The following CADM2 variants were observed in gnomAD, a reference collection of about 807,000 sequenced individuals.
CADM2 encodes the protein cell adhesion molecule 2, also known as immunoglobulin superfamily member 4D.
A neutral mutation model predicts 49.8 loss-of-function variants in CADM2; 12 were observed. The observed-to-expected ratio is 0.24, with a 90% CI of 0.15 to 0.39. The LOEUF is 0.39. Among genes scored for constraint, CADM2 ranks in the 10% least tolerant of loss-of-function variants. The pLI is 1.00. For synonymous variants in CADM2, 214 were observed against 175.4 expected, an observed-to-expected ratio of 1.22 and a Z score of -1.74; for missense variants, 378 against 492.3, an observed-to-expected ratio of 0.77 and a Z score of 2.20.
At chr3:85,003,413 A>G (rs1285594832) in intron 1 of CADM2, among the ~76,000 whole-genome samples, 1 of 152,158 alleles carries the variant, frequency 6.6e-6, no homozygotes, top group Non-Finnish European at 1.5e-5. Flanking sequence ...AAATTCTATG[A>G]AAAAGCTAGA....
chr3:85,156,891 G>C (rs1330105723), intron 1 of CADM2, among the ~76,000 whole-genome samples: 3 of 152,196 alleles, frequency 2.0e-5, no homozygotes, highest in Non-Finnish European at 4.4e-5. Flanking sequence ...AAAAGAGGAA[G>C]TCAAATTGTC....
At chr3:85,953,173 T>C (rs1208134445) in intron 7 of CADM2, among the ~76,000 whole-genome samples, 1 of 150,984 alleles carries the variant, frequency 6.6e-6, no homozygotes, top group African/African-American at 2.4e-5. Flanking sequence ...ATAATACTTT[T>C]TCATGTTCTG....
rs532790781 is a variant in CADM2 at position 85,808,462 on chromosome 3, G to C, written c.238+6266G>C. Among the ~76,000 whole-genome samples, 29 of 152,208 alleles carry C rather than the reference G, an allele frequency of 1.9e-4. No individual in the cohort carries two copies. The South Asian group carries it at 6.0e-3, about 32-fold the overall frequency. On this transcript the variant is annotated intron_variant, in intron 3 of 9. Transcript: ENST00000383699. The stretch of plus-strand genomic sequence containing the variant: ...TGGCAATGGAAAAAAAAATCAATTA[G>C]ATCGTAGTGTCTGTTTCTCTGCAGG...
At chr3:85,762,245 A>G (rs192483290) in intron 2 of CADM2, among the ~76,000 whole-genome samples, 324 of 152,240 alleles carry the variant, frequency 2.1e-3, no homozygotes, top group Admixed American at 5.7e-3. Context: ...ATAGTGACAC[A>G]ATAGTCCCCC....
chr3:85,181,144 G>C (rs1407155750), intron 1 of CADM2, among the ~76,000 whole-genome samples: 1 of 152,042 alleles, frequency 6.6e-6, no homozygotes, highest in African/African-American at 2.4e-5. Context: ...ATAATAGGAT[G>C]ATAATTTTAT....
Position 85,163,332 on chromosome 3 carries a change from G to C in CADM2, c.61+203664G>C, listed in dbSNP as rs919810693. 2.0e-5 allele frequency among the ~76,000 whole-genome samples: 3 copies of C among 152,142 alleles called. No homozygotes were observed. The East Asian group carries it at 5.8e-4, about 29-fold the overall frequency. On this transcript the variant is annotated intron_variant, in intron 1 of 9. Coordinates refer to ENST00000383699, the MANE Select transcript of CADM2 (RefSeq NM_001167675.2). The stretch of plus-strand genomic sequence containing the variant: ...GCAGACCTTTAAAATTTGGTAAAAA[G>C]TTTCTAAAGCAATATGGGGCAGGCG...
intron 1 of CADM2, among the ~76,000 whole-genome samples, chr3:85,210,894 C>T (rs1235009164): frequency 1.3e-5 from 2 of 152,152 alleles, no homozygotes; most frequent in Non-Finnish European, 2.9e-5. Context: ...TAAAATTCAG[C>T]AGTGAAGCCA....
At chr3:85,028,189 A>G (rs1205328065) in intron 1 of CADM2, among the ~76,000 whole-genome samples, 1 of 152,210 alleles carries the variant, frequency 6.6e-6, no homozygotes, top group African/African-American at 2.4e-5. Flanking sequence ...ATATCAGAGA[A>G]GGTAAACAAA....
intron 1 of CADM2, among the ~76,000 whole-genome samples, chr3:85,191,692 A>G (rs979088361): frequency 6.6e-6 from 1 of 152,154 alleles, no homozygotes; most frequent in Non-Finnish European, 1.5e-5. Flanking sequence ...ACATAAACAA[A>G]GGAATAAGTG....
intron 1 of CADM2, among the ~76,000 whole-genome samples, chr3:85,067,916 T>C (rs952816372): frequency 6.6e-6 from 1 of 152,190 alleles, no homozygotes. Context: ...TGGGGACTAT[T>C]TAACCATTTA....
At chr3:85,938,133 T>C (rs1344702917) in intron 7 of CADM2, among the ~76,000 whole-genome samples, 1 of 152,088 alleles carries the variant, frequency 6.6e-6, no homozygotes, top group African/African-American at 2.4e-5. Flanking sequence ...AACTTCTCTA[T>C]ATTTTTACAG....
At chr3:85,330,793 C>CAAA (rs71617938) in intron 1 of CADM2, among the ~76,000 whole-genome samples, 101 of 113,006 alleles carry the variant, frequency 8.9e-4, no homozygotes, top group Non-Finnish European at 1.5e-3. Flanking sequence ...TCCATCTCTC[C>CAAA]AAAAAAAAAA....
intron 3 of CADM2, among the ~76,000 whole-genome samples, chr3:85,848,530 A>C (rs1000534561): frequency 6.6e-6 from 1 of 152,164 alleles, no homozygotes; most frequent in Non-Finnish European, 1.5e-5. Flanking sequence ...AAACTAATTT[A>C]AGATAATTGT....
intron 1 of CADM2, among the ~76,000 whole-genome samples, chr3:84,990,966 A>G (rs1256493298): frequency 6.6e-6 from 1 of 152,114 alleles, no homozygotes; most frequent in Non-Finnish European, 1.5e-5. Context: ...ATAATGGGTT[A>G]CAAGTCTCAT....
At chr3:85,430,509 C>A (rs185136055) in intron 1 of CADM2, among the ~76,000 whole-genome samples, 1 of 151,270 alleles carries the variant, frequency 6.6e-6, no homozygotes, top group African/African-American at 2.4e-5. Context: ...CAGAGCAAGA[C>A]CTTGTCTCAA....
Position 86,071,644 on chromosome 3 carries a change from T to A in CADM2, c.*4861T>A, listed in dbSNP as rs1293352531. The A allele has an allele frequency of 6.6e-6, 1 of 151,984 alleles. No individual in the cohort carries two copies. The highest frequency in any genetic ancestry group is 1.5e-5 in the Non-Finnish European group (1 of 67,876). The allele number at this position is 151,984 out of a possible 1,614,324, so 9.4% of individuals were successfully genotyped here. ...CCAGATATCCCAGGAAGCATTCTTATGGAACTATTATAACAGTGCACTCCC... is the reference window on the plus strand; with the variant it reads ...CCAGATATCCCAGGAAGCATTCTTAAGGAACTATTATAACAGTGCACTCCC... On this transcript the variant is annotated 3_prime_UTR_variant, in exon 10 of 10. Transcript: ENST00000383699.
chr3:85,508,800 G>A (rs1022164702), intron 1 of CADM2, among the ~76,000 whole-genome samples: 4 of 151,254 alleles, frequency 2.6e-5, no homozygotes, highest in African/African-American at 7.3e-5. Flanking sequence ...GAGTGAAAAC[G>A]AAGAGCCTCA....
At chr3:85,498,342 G>C (rs180696210) in intron 1 of CADM2, among the ~76,000 whole-genome samples, 37 of 152,188 alleles carry the variant, frequency 2.4e-4, no homozygotes, top group African/African-American at 8.9e-4. Flanking sequence ...GCTCCCTTCA[G>C]GCATGAGCTA....
At chr3:85,047,008 C>T (rs2035694368) in intron 1 of CADM2, among the ~76,000 whole-genome samples, 1 of 152,084 alleles carries the variant, frequency 6.6e-6, no homozygotes, top group South Asian at 2.1e-4. Flanking sequence ...AAAGGTTCTG[C>T]AGATGTATTT....
Sources: gnomAD v4.1 joint callset for allele counts (sites outside exome capture counted in the v4.1 genomes callset) on GRCh38, gnomAD v4.1.1 for gene constraint, MANE v1.5 for transcripts, NCBI Gene and HGNC (gene_info 2026-07-23, HGNC 2026-07-21) for gene names.